Variants in RFC3 observed in about 807,000 individuals in gnomAD.
RFC3 encodes replication factor C subunit 3.
A neutral mutation model predicts 45.1 loss-of-function variants in RFC3; 41 were observed. That is an observed-to-expected ratio of 0.91 (90% CI 0.71 to 1.18). RFC3 has a LOEUF of 1.18. Ranked by LOEUF, RFC3 falls within the 50% of genes most tolerant of loss-of-function variation. RFC3 has a pLI of 0.00. For missense variants in RFC3, 423 were observed against 428.1 expected (o/e 0.99, Z 0.10); for synonymous variants, 149 against 144.0 (o/e 1.03, Z -0.25).
chr13:33,836,273 G>C lies in RFC3; in HGVS notation c.1049G>C (p.Gly350Ala). The change falls in exon 9 of 9, where the codon GGA (glycine) becomes GCA (alanine). Residue 350 changes from glycine to alanine, a missense_variant. Transcript: ENST00000380071. Reference protein sequence around the residue: ...MALYKKFMEDGLEGMMF With the variant: ...MALYKKFMEDALEGMMF ...CTTTATAAGAAGTTCATGGAGGATG[G>C]ATTGGAAGGCATGATGTTCTGACTT... 1 of 1,613,034 alleles carries C rather than the reference G, an allele frequency of 6.2e-7. No homozygotes were observed. The highest frequency in any genetic ancestry group is 8.5e-7 in the Non-Finnish European group (1 of 1,179,202).
chr13:33,854,347 T>TA (rs2082295819), intron 8 of RFC3, among the ~76,000 whole-genome samples: 1 of 152,164 alleles, frequency 6.6e-6, no homozygotes, highest in Non-Finnish European at 1.5e-5. Context: ...CATTAGCTCT[T>TA]ACATAGACTA....
chr13:33,829,939 C>A lies in RFC3; in HGVS notation c.495C>A (p.Cys165Ter), dbSNP rs200284443. The A allele has an allele frequency of 3.7e-6, 6 of 1,613,952 alleles. No homozygotes were observed. The highest frequency in any genetic ancestry group is 1.3e-5 in the African/African-American group (1 of 74,936). Residue 165 changes from cysteine to a stop codon, truncating the protein, a stop_gained, in exon 5 of 9, where the codon TGC becomes TGA. Coordinates refer to ENST00000380071, the MANE Select transcript of RFC3 (RefSeq NM_002915.4). LOFTEE classifies it high-confidence loss of function. Reference protein sequence around the residue: ...YMSTCRLILCCNSTSKVIPPI... With the variant: ...YMSTCRLILC ...CTACCTGCAGATTGATCTTGTGCTG[C>A]AATTCTACATCTAAAGTGATCCCAC... is the stretch of plus-strand genomic sequence containing the variant.
intron 8 of RFC3, among the ~76,000 whole-genome samples, chr13:33,920,607 T>G (rs1034509541): frequency 2.0e-5 from 3 of 151,786 alleles, no homozygotes; most frequent in Admixed American, 6.6e-5. Context: ...TCTTAAATTT[T>G]TTTGTAGAGA....
At chr13:33,917,920 T>C (rs996769677) in intron 8 of RFC3, among the ~76,000 whole-genome samples, 1 of 152,094 alleles carries the variant, frequency 6.6e-6, no homozygotes, top group African/African-American at 2.4e-5. Flanking sequence ...GTGTCAGAGA[T>C]GAATCTGAAG....
At chr13:33,975,790 A>G in the RFC3 span, among the ~76,000 whole-genome samples, 3 of 152,174 alleles carry the variant, frequency 2.0e-5, no homozygotes, top group Non-Finnish European at 2.9e-5. Context: ...ACCCCTATAC[A>G]TGTATACTAG....
intron 8 of RFC3, among the ~76,000 whole-genome samples, chr13:33,843,189 C>A (rs1028503757): frequency 7.2e-6 from 1 of 138,418 alleles, no homozygotes; most frequent in Admixed American, 7.6e-5. Flanking sequence ...ACAGATTTCT[C>A]TAGCTATTTG....
In RFC3 at chr13:33,874,552, C is replaced by T. The variant is rs922271545; in HGVS notation, c.879+39335C>T. Among the ~76,000 whole-genome samples, 6 of 152,218 alleles carry T rather than the reference C, an allele frequency of 3.9e-5. No individual in the cohort carries two copies. The East Asian group carries it at 5.8e-4, about 15-fold the overall frequency. Reference sequence around the variant, plus strand: ...CAAGCTGGTCTCAAACTTCTGACCTCGGGTGATCCACCTGCCTTGGCCTCC... The same window carrying T: ...CAAGCTGGTCTCAAACTTCTGACCTTGGGTGATCCACCTGCCTTGGCCTCC... On this transcript the variant is annotated intron_variant, in intron 8 of 8. Transcript: ENST00000434425.
At chr13:33,851,976 T>A (rs1187103288) in intron 8 of RFC3, among the ~76,000 whole-genome samples, 1 of 152,176 alleles carries the variant, frequency 6.6e-6, no homozygotes, top group Non-Finnish European at 1.5e-5. Context: ...TGAATTGACA[T>A]TGATATTGTG....
chr13:33,902,761 C>T (rs2082649485), intron 8 of RFC3, among the ~76,000 whole-genome samples: 1 of 151,980 alleles, frequency 6.6e-6, no homozygotes, highest in African/African-American at 2.4e-5. Context: ...CCGTTATCCA[C>T]AGAACCACCA....
At chr13:33,917,117 G>A (rs2082738424) in intron 8 of RFC3, among the ~76,000 whole-genome samples, 1 of 152,114 alleles carries the variant, frequency 6.6e-6, no homozygotes, top group African/African-American at 2.4e-5. Flanking sequence ...CGAATAGATT[G>A]CAAGACATCC....
Position 33,837,088 on chromosome 13 carries a change from T to C in RFC3, c.*793T>C. The C allele has an allele frequency of 1.0e-6, 1 of 967,012 alleles. No individual in the cohort carries two copies. Among genetic ancestry groups the C allele is most frequent in the Non-Finnish European group, 1.2e-6 (1 of 813,194 alleles). 59.9% of individuals were successfully genotyped at this position (967,012 alleles called of 1,614,324 possible). A position where few individuals can be genotyped will look rare whatever the true frequency, so the allele number is the denominator to read the frequency against. ...GACAGACTCCGAACAATTCCTTTAC[T>C]ACGAAGTATAATTTATAAAATAAAA... On this transcript the variant is annotated 3_prime_UTR_variant, in exon 9 of 9. Transcript: ENST00000380071.
At chr13:33,820,175 C>A (rs1033842389) in intron 1 of RFC3, among the ~76,000 whole-genome samples, 3 of 152,196 alleles carry the variant, frequency 2.0e-5, no homozygotes, top group East Asian at 1.9e-4. Flanking sequence ...CCAGACTGAT[C>A]ATCAGAAACA....
intron 8 of RFC3, among the ~76,000 whole-genome samples, chr13:33,854,031 A>G (rs2082293869): frequency 6.6e-6 from 1 of 152,200 alleles, no homozygotes; most frequent in South Asian, 2.1e-4. Context: ...TAGTTGATGA[A>G]TTTATGAAAT....
At chr13:33,877,997 T>G (rs898423972) in intron 8 of RFC3, among the ~76,000 whole-genome samples, 13 of 151,958 alleles carry the variant, frequency 8.6e-5, no homozygotes, top group African/African-American at 3.1e-4. Flanking sequence ...GTAACTTCTC[T>G]GACTCTGAGC....
At chr13:33,960,900 C>A (rs4943170) in intron 8 of RFC3, among the ~76,000 whole-genome samples, 5 of 152,094 alleles carry the variant, frequency 3.3e-5, no homozygotes, top group African/African-American at 1.2e-4. Flanking sequence ...CTGATCCCCC[C>A]CTCTTGTTCT....
chr13:33,878,347 A>G (rs1471919345), intron 8 of RFC3, among the ~76,000 whole-genome samples: 2 of 152,206 alleles, frequency 1.3e-5, no homozygotes, highest in Non-Finnish European at 2.9e-5. Flanking sequence ...ACAAGAACCC[A>G]TGAGATTAAC....
intron 8 of RFC3, among the ~76,000 whole-genome samples, chr13:33,856,891 C>A (rs2082311666): frequency 6.6e-6 from 1 of 152,140 alleles, no homozygotes; most frequent in Admixed American, 6.5e-5. Flanking sequence ...AAGCTCCAGA[C>A]CCATTCCAGA....
chr13:33,891,595 T>C (rs1231105654), intron 8 of RFC3, among the ~76,000 whole-genome samples: 1 of 152,156 alleles, frequency 6.6e-6, no homozygotes, highest in East Asian at 1.9e-4. Flanking sequence ...AAATGATAGA[T>C]GTATTTTATC....
chr13:33,863,091 A>G (rs2082351703), intron 8 of RFC3, among the ~76,000 whole-genome samples: 1 of 152,188 alleles, frequency 6.6e-6, no homozygotes, highest in Non-Finnish European at 1.5e-5. Context: ...GGTTAGCATG[A>G]TTTTGTACCT....
Sources: allele counts gnomAD v4.1 joint callset (sites outside exome capture counted in the v4.1 genomes callset), GRCh38; gene constraint gnomAD v4.1.1; transcripts MANE v1.5; gene names NCBI Gene and HGNC (gene_info 2026-07-23, HGNC 2026-07-21).